Variants in ZNF433 observed in about 807,000 individuals in gnomAD.
ZNF433 encodes the protein zinc finger protein 433.
In ZNF433, 12 loss-of-function variants were observed where a neutral mutation model predicts 10.6. The observed-to-expected ratio is 1.13, with a 90% CI of 0.72 to 1.83. The LOEUF is 1.83. ZNF433 is among the 40% of genes most tolerant of loss of function. The pLI is 0.00. For missense variants in ZNF433, 737 were observed against 798.0 expected, an observed-to-expected ratio of 0.92 and a Z score of 0.92; for synonymous variants, 272 against 271.3, an observed-to-expected ratio of 1.00 and a Z score of -0.02.
chr19:12,031,309 AACAAAAC>A (rs1334920327), intron 1 of ZNF433, among the ~76,000 whole-genome samples: 10 of 129,280 alleles, frequency 7.7e-5, no homozygotes, highest in African/African-American at 4.7e-4. Flanking sequence ...AAAAAAAAAA[AACAAAAC>A]AAAAAAAAAA....
intron 1 of ZNF433, among the ~76,000 whole-genome samples, chr19:12,019,784 G>T (rs1311157198): frequency 1.3e-5 from 2 of 151,860 alleles, no homozygotes; most frequent in East Asian, 3.9e-4. Context: ...AAAACTTCAG[G>T]ATACTATGGT....
At chr19:12,020,894 ACT>A (rs778727507) in intron 1 of ZNF433, among the ~76,000 whole-genome samples, 21 of 146,618 alleles carry the variant, frequency 1.4e-4, no homozygotes, top group African/African-American at 4.7e-4. Context: ...ACAGAGCGAG[ACT>A]CTGTCTCAAA....
At chr19:12,030,048 C>T (rs1304708479) in intron 1 of ZNF433, 4 of 315,972 alleles carry the variant, frequency 1.3e-5, no homozygotes, top group South Asian at 9.6e-5. Context: ...CACCACTGCA[C>T]TCCAGCCTGG....
intron 3 of ZNF433, among the ~76,000 whole-genome samples, chr19:12,017,410 C>T (rs1333862024): frequency 6.6e-6 from 1 of 152,004 alleles, no homozygotes; most frequent in African/African-American, 2.4e-5. Context: ...ACTATGTTGG[C>T]CAGGCTGCTT....
chr19:12,024,959 G>A (rs1231506623), intron 1 of ZNF433: 1 of 152,206 alleles, frequency 6.6e-6, no homozygotes, highest in Admixed American at 6.5e-5. Flanking sequence ...AGCTGACTTT[G>A]TGGGTATTCT....
At chr19:12,025,404 G>A (rs989112739) in intron 1 of ZNF433, 6 of 152,194 alleles carry the variant, frequency 3.9e-5, no homozygotes, top group African/African-American at 1.4e-4. Flanking sequence ...ACCTTTAACT[G>A]AAGGGAATCA....
intron 1 of ZNF433, among the ~76,000 whole-genome samples, chr19:12,031,024 T>A (rs1974990426): frequency 6.6e-6 from 1 of 151,612 alleles, no homozygotes; most frequent in African/African-American, 2.4e-5. Context: ...TGCAGTGGTG[T>A]GGCTGGCTCA....
At chr19:12,030,113 T>C (rs1355551947) in intron 1 of ZNF433, 1 of 376,872 alleles carries the variant, frequency 2.7e-6, no homozygotes, top group Non-Finnish European at 5.1e-6. Flanking sequence ...AAAATAGCCA[T>C]CTGCAAACCA....
chr19:12,017,558 T>C (rs1365202245), intron 3 of ZNF433, among the ~76,000 whole-genome samples: 1 of 151,992 alleles, frequency 6.6e-6, no homozygotes, highest in Admixed American at 6.6e-5. Flanking sequence ...ATCTGTCTTT[T>C]TAAATTTGTT....
intron 1 of ZNF433, chr19:12,023,094 G>T (rs746973636): frequency 7.2e-5 from 11 of 152,274 alleles, no homozygotes; most frequent in Non-Finnish European, 1.3e-4. Context: ...TGAGGGGCCT[G>T]TCCCGGGCCC....
intron 1 of ZNF433, chr19:12,023,049 T>C (rs1974571841): frequency 6.6e-6 from 1 of 152,230 alleles, no homozygotes; most frequent in Non-Finnish European, 1.5e-5. Context: ...TATAGCTACA[T>C]TTGAGCCTTT....
In ZNF433 at chr19:12,015,461, T is replaced by TC; in HGVS notation, c.1396dup (p.Glu466GlyfsTer11). 1 of 1,613,730 alleles carries TC rather than the reference T, an allele frequency of 6.2e-7. No individual in the cohort carries two copies. The highest frequency in any genetic ancestry group is 8.5e-7 in the Non-Finnish European group (1 of 1,179,936). On this transcript the variant is annotated frameshift_variant, in exon 4 of 4. Coordinates refer to ENST00000550507, the MANE Select transcript of ZNF433 (RefSeq NM_001308348.2). LOFTEE classifies it low-confidence loss of function (END_TRUNC). ...CGGCTTCTCTTCTCTGTGCATCCTT[T>TC]CATGTATTTGAAAGAAAGAGAAATT...
At position 12,017,899 on chromosome 19, in the gene ZNF433, G is replaced by C. The variant is rs200983088; in HGVS notation, c.168C>G (p.Tyr56Ter). ...ACCTTAGGTTTCTCCTTAGATTTTC[G>C]TACTCTACATATATGTTCTGGGGTT... Reference protein sequence around the residue: ...KWKPQNIYVEYENLRRNLRIV... With the variant: ...KWKPQNIYVE Residue 56 changes from tyrosine (Y) to a stop codon, truncating the protein, a stop_gained, in exon 3 of 4, where the codon TAC becomes TAG. Transcript: ENST00000550507. LOFTEE classifies it low-confidence loss of function (END_TRUNC). The C allele has an allele frequency of 6.9e-6, 11 of 1,587,158 alleles. No individual in the cohort carries two copies. In the African/African-American group the frequency reaches 1.3e-4, roughly 18 times the overall value.
chr19:12,015,062 G>C lies in ZNF433; in HGVS notation c.1796C>G (p.Ala599Gly). Residue 599 changes from alanine to glycine, a missense_variant, in exon 4 of 4, where the codon GCC becomes GGC. Physicochemically the swap from Ala to Gly is moderately conservative, Grantham distance 60 (BLOSUM62 0). Transcript: ENST00000550507. ...CKQCGKSFGC[A>G]SRLQMHGRTH... ...CCTTCCATGCATTTGAAGTCGCGAG[G>C]CACATCCAAAAGACTTCCCACACTG... The C allele has an allele frequency of 6.2e-7, 1 of 1,614,006 alleles. No homozygotes were observed. The highest frequency in any genetic ancestry group is 8.5e-7 in the Non-Finnish European group (1 of 1,179,988).
chr19:12,015,128 T>C lies in ZNF433; in HGVS notation c.1730A>G (p.His577Arg), dbSNP rs946015812. 13 of 1,614,006 alleles carry C rather than the reference T, an allele frequency of 8.1e-6. No homozygotes were observed. Among genetic ancestry groups the C allele is most frequent in the Non-Finnish European group, 1.1e-5 (13 of 1,179,994 alleles). ...TTTCTCTCCAGTGTGAGTCCTTCCATGCATTTGAAGGTGTGAGGCAGATCC... is the reference window on the plus strand; with the variant it reads ...TTTCTCTCCAGTGTGAGTCCTTCCACGCATTTGAAGGTGTGAGGCAGATCC... Reference protein sequence around the residue: ...AFGSASHLQMHGRTHTGEKPY... With the variant: ...AFGSASHLQMRGRTHTGEKPY... The change falls in exon 4 of 4, where the codon CAT (histidine) becomes CGT (arginine). Residue 577 changes from histidine (H) to arginine (R), a missense_variant. Transcript: ENST00000550507.
intron 1 of ZNF433, chr19:12,030,323 T>G: frequency 3.8e-6 from 1 of 265,738 alleles, no homozygotes; most frequent in Non-Finnish European, 7.4e-6. Flanking sequence ...CAGGTTGAAG[T>G]GATCCTCCTA....
chr19:12,023,931 T>C (rs1042867209), intron 1 of ZNF433: 6 of 152,012 alleles, frequency 3.9e-5, no homozygotes, highest in Admixed American at 6.6e-5. Flanking sequence ...AAGGAACTGC[T>C]CCAAGCAGAA....
intron 1 of ZNF433, chr19:12,030,134 T>G (rs1216173310): frequency 2.4e-6 from 1 of 420,384 alleles, no homozygotes; most frequent in Non-Finnish European, 4.7e-6. Flanking sequence ...GGAAGCAGGC[T>G]CTTACCAGGC....
rs745310674 is a variant in ZNF433 at position 12,016,454 on chromosome 19, C to A, written c.404G>T (p.Gly135Val). 56 of 1,613,990 alleles carry A rather than the reference C, an allele frequency of 3.5e-5. No homozygotes were observed. Among genetic ancestry groups the A allele is most frequent in the Non-Finnish European group, 4.4e-5 (52 of 1,180,024 alleles). The change falls in exon 4 of 4, where the codon GGA (glycine) becomes GTA (valine). Residue 135 changes from glycine (G) to valine (V), a missense_variant. Transcript: ENST00000550507. Reference sequence around the variant, plus strand: ...GTATTTACATTTATATGGTTTCTGTCCATATTCTTGATACTCATATGCCTT... The same window carrying A: ...GTATTTACATTTATATGGTTTCTGTACATATTCTTGATACTCATATGCCTT... ...GHKAYEYQEY[G>V]QKPYKCKYCK...
Sources: gnomAD v4.1 joint callset for allele counts (sites outside exome capture counted in the v4.1 genomes callset) on GRCh38, gnomAD v4.1.1 for gene constraint, MANE v1.5 for transcripts, NCBI Gene and HGNC (gene_info 2026-07-23, HGNC 2026-07-21) for gene names.